The following TDRD3 variants were observed in gnomAD, a reference collection of about 807,000 sequenced individuals.
The protein encoded by TDRD3 is tudor domain containing 3, also known as tudor domain-containing protein 3.
TDRD3 carries 45 observed loss-of-function variants against 86.7 expected under a neutral mutation model. That is an observed-to-expected ratio of 0.52 (90% CI 0.41 to 0.67). The LOEUF (loss-of-function observed/expected upper bound fraction) is 0.67. TDRD3 is among the 30% of genes least tolerant of loss of function. The probability of loss-of-function intolerance (pLI) is 0.00; values close to 1 mark genes in which losing one functional copy is unlikely to be tolerated. For missense variants in TDRD3, 814 were observed against 889.0 expected (o/e 0.92, Z 1.07); for synonymous variants, 298 against 301.7 (o/e 0.99, Z 0.13).
At chr13:60,465,940 T>G (rs1457382999) in intron 4 of TDRD3, among the ~76,000 whole-genome samples, 2 of 152,194 alleles carry the variant, frequency 1.3e-5, no homozygotes, top group East Asian at 3.9e-4. Flanking sequence ...CAGACCTAAG[T>G]GACAGCATGG....
At chr13:60,536,940 T>C (rs1219791851) in intron 12 of TDRD3, 5 of 152,106 alleles carry the variant, frequency 3.3e-5, no homozygotes, top group Non-Finnish European at 7.4e-5. Flanking sequence ...TTTAGGTCTG[T>C]ATAAACTTAG....
intron 5 of TDRD3, among the ~76,000 whole-genome samples, chr13:60,478,439 G>A (rs910062905): frequency 6.6e-6 from 1 of 151,688 alleles, no homozygotes; most frequent in Non-Finnish European, 1.5e-5. Flanking sequence ...CAAGTAGCTG[G>A]GGTTGCAAGC....
At chr13:60,414,554 G>C (rs937372307) in intron 1 of TDRD3, among the ~76,000 whole-genome samples, 1 of 152,110 alleles carries the variant, frequency 6.6e-6, no homozygotes, top group African/African-American at 2.4e-5. Context: ...GGAACAAGTA[G>C]TATATGCTAT....
intron 11 of TDRD3, among the ~76,000 whole-genome samples, chr13:60,530,467 T>C (rs1004841587): frequency 6.6e-6 from 1 of 151,262 alleles, no homozygotes; most frequent in Admixed American, 6.6e-5. Context: ...TGAGACGGAG[T>C]TTCACTCTTG....
chr13:60,395,646 T>C (rs1181907991), upstream of TDRD3, among the ~76,000 whole-genome samples: 1 of 152,198 alleles, frequency 6.6e-6, no homozygotes, highest in Non-Finnish European at 1.5e-5. Context: ...TGGTACAACA[T>C]ATTTTCATAG....
intron 5 of TDRD3, among the ~76,000 whole-genome samples, chr13:60,479,690 A>G (rs998555853): frequency 1.3e-5 from 2 of 152,234 alleles, no homozygotes; most frequent in Admixed American, 6.5e-5. Flanking sequence ...TGTTGGGTAT[A>G]TACATATTTA....
chr13:60,520,345 T>C (rs1957263089), intron 10 of TDRD3, among the ~76,000 whole-genome samples: 1 of 152,198 alleles, frequency 6.6e-6, no homozygotes, highest in African/African-American at 2.4e-5. Flanking sequence ...GAATATACAA[T>C]AATTTTTCCT....
intron 5 of TDRD3, among the ~76,000 whole-genome samples, chr13:60,476,119 T>G (rs1238914671): frequency 2.6e-5 from 4 of 152,144 alleles, no homozygotes; most frequent in Non-Finnish European, 5.9e-5. Context: ...TTGCCAAGGC[T>G]AGTCTCAAGA....
chr13:60,456,306 T>C (rs1955669144), intron 3 of TDRD3, among the ~76,000 whole-genome samples: 1 of 152,192 alleles, frequency 6.6e-6, no homozygotes, highest in African/African-American at 2.4e-5. Flanking sequence ...TGATATTTCA[T>C]ATCCGTTGGT....
intron 10 of TDRD3, among the ~76,000 whole-genome samples, chr13:60,519,630 G>A (rs184373899): frequency 1.3e-5 from 2 of 152,186 alleles, no homozygotes; most frequent in East Asian, 3.9e-4. Context: ...GGTTATTAAT[G>A]ATTTAATGCC....
chr13:60,494,304 AT>A, intron 7 of TDRD3, 130 bp from the exon 8 acceptor site: 3 of 1,016,932 alleles, frequency 3.0e-6, no homozygotes, highest in Non-Finnish European at 4.0e-6. Context: ...GTAAGTTAAT[AT>A]TTTATTTTTT....
At chr13:60,433,223 C>T (rs952944197) in intron 1 of TDRD3, among the ~76,000 whole-genome samples, 1 of 152,154 alleles carries the variant, frequency 6.6e-6, no homozygotes, top group African/African-American at 2.4e-5. Flanking sequence ...CAATGGGTGG[C>T]AGTGGGTAAA....
chr13:60,547,605 T>C (rs1249138758), intron 12 of TDRD3: 1 of 164,882 alleles, frequency 6.1e-6, no homozygotes, highest in Non-Finnish European at 1.3e-5. Flanking sequence ...ATATAAATTC[T>C]TATTATCATA....
At chr13:60,493,873 A>G (rs1007582765) in intron 7 of TDRD3, among the ~76,000 whole-genome samples, 5 of 152,230 alleles carry the variant, frequency 3.3e-5, no homozygotes, top group Non-Finnish European at 5.9e-5. Context: ...TTCAAAAAAG[A>G]CAGGCCAAAT....
intron 1 of TDRD3, among the ~76,000 whole-genome samples, chr13:60,408,134 G>A (rs959185743): frequency 6.6e-6 from 1 of 151,316 alleles, no homozygotes; most frequent in Non-Finnish European, 1.5e-5. Context: ...GTTTATCAGG[G>A]GTTTCCACTT....
At chr13:60,552,647 G>A (rs1566298778) in intron 12 of TDRD3, among the ~76,000 whole-genome samples, 1 of 152,220 alleles carries the variant, frequency 6.6e-6, no homozygotes, top group Non-Finnish European at 1.5e-5. Context: ...CCTCTGAATT[G>A]CCCTAGTAGA....
At chr13:60,490,904 G>A (rs1956571751) in intron 7 of TDRD3, among the ~76,000 whole-genome samples, 1 of 152,100 alleles carries the variant, frequency 6.6e-6, no homozygotes, top group African/African-American at 2.4e-5. Context: ...GATCACCTGA[G>A]GTCGGGAGTT....
chr13:60,448,839 T>A (rs1955466579), intron 3 of TDRD3, among the ~76,000 whole-genome samples: 1 of 152,176 alleles, frequency 6.6e-6, no homozygotes, highest in African/African-American at 2.4e-5. Context: ...TGTAGCTTTT[T>A]AAACCTAGGC....
intron 5 of TDRD3, among the ~76,000 whole-genome samples, chr13:60,468,077 T>G (rs1167893462): frequency 1.3e-5 from 2 of 152,178 alleles, no homozygotes; most frequent in African/African-American, 4.8e-5. Flanking sequence ...TTTTATGTAC[T>G]TTCACCAGGT....
Sources: gnomAD v4.1 joint callset for allele counts (sites outside exome capture counted in the v4.1 genomes callset) on GRCh38, gnomAD v4.1.1 for gene constraint, MANE v1.5 for transcripts, NCBI Gene and HGNC (gene_info 2026-07-23, HGNC 2026-07-21) for gene names.